SLIT3: variants seen among roughly 807,000 people sequenced by gnomAD.
The protein encoded by SLIT3 is slit guidance ligand 3.
A neutral mutation model predicts 184.0 loss-of-function variants in SLIT3; 68 were observed. That is an observed-to-expected ratio of 0.37 (90% CI 0.30 to 0.45). The LOEUF (loss-of-function observed/expected upper bound fraction) is 0.45, where lower values mean the gene tolerates loss of function less well. Among genes scored for constraint, SLIT3 ranks in the 20% least tolerant of loss-of-function variants. The pLI is 1.00. For missense variants in SLIT3, 1,707 were observed against 2,026.0 expected (o/e 0.84, Z 3.02); for synonymous variants, 831 against 828.6 (o/e 1.00, Z -0.05).
At chr5:169,219,893 C>T (rs368509707) in intron 3 of SLIT3, among the ~76,000 whole-genome samples, 31 of 152,176 alleles carry the variant, frequency 2.0e-4, no homozygotes, top group African/African-American at 7.2e-4. Flanking sequence ...TTTGAGATCT[C>T]GAAAAGTCTC....
chr5:168,857,210 GCTGAAGAAATTT>G (rs953849720), intron 5 of SLIT3, among the ~76,000 whole-genome samples: 5 of 152,150 alleles, frequency 3.3e-5, no homozygotes, highest in Admixed American at 6.5e-5. Context: ...TACTTAATTG[GCTGAAGAAATTT>G]CTGAAGAAAT....
At chr5:169,271,530 A>AG (rs1766613049) in intron 1 of SLIT3, among the ~76,000 whole-genome samples, 1 of 151,970 alleles carries the variant, frequency 6.6e-6, no homozygotes, top group African/African-American at 2.4e-5. Context: ...GGGCATTGCG[A>AG]GGGGGTAGAG....
chr5:169,212,479 T>TC, intron 3 of SLIT3, among the ~76,000 whole-genome samples: 1 of 152,066 alleles, frequency 6.6e-6, no homozygotes, highest in Admixed American at 6.6e-5. Flanking sequence ...TGTTTTTTTT[T>TC]CTTGTAAATT....
At chr5:168,966,032 A>C (rs1240871120) in intron 4 of SLIT3, among the ~76,000 whole-genome samples, 2 of 152,246 alleles carry the variant, frequency 1.3e-5, no homozygotes, top group Admixed American at 6.5e-5. Context: ...CATAATGTGC[A>C]GAAGTGCCTG....
At chr5:169,061,381 G>GC (rs898581032) in intron 4 of SLIT3, among the ~76,000 whole-genome samples, 3 of 152,142 alleles carry the variant, frequency 2.0e-5, no homozygotes, top group Non-Finnish European at 4.4e-5. Flanking sequence ...AGGTTTGCTT[G>GC]CCCCTCAGGT....
At chr5:169,172,882 T>C (rs1762860334) in intron 4 of SLIT3, among the ~76,000 whole-genome samples, 1 of 152,188 alleles carries the variant, frequency 6.6e-6, no homozygotes, top group South Asian at 2.1e-4. Flanking sequence ...TGCTCAATAA[T>C]AGTTTGCTGG....
intron 3 of SLIT3, among the ~76,000 whole-genome samples, chr5:169,199,174 G>A (rs1381016031): frequency 2.0e-5 from 3 of 152,086 alleles, no homozygotes; most frequent in African/African-American, 7.2e-5. Context: ...CAGTGCAGCT[G>A]AAGTGTAGGA....
intron 4 of SLIT3, among the ~76,000 whole-genome samples, chr5:169,115,819 G>C (rs1162725272): frequency 6.6e-6 from 1 of 152,220 alleles, no homozygotes; most frequent in Admixed American, 6.5e-5. Flanking sequence ...GTTGGATCCT[G>C]TGGTGGGATC....
chr5:169,035,647 G>GA (rs201819555), intron 4 of SLIT3, among the ~76,000 whole-genome samples: 11,897 of 103,370 alleles, frequency 0.12, 643 homozygotes, highest in Non-Finnish European at 0.13. Context: ...ACTGCATCTG[G>GA]AAAAAAAAAA....
intron 4 of SLIT3, among the ~76,000 whole-genome samples, chr5:168,975,130 T>C (rs1754705521): frequency 6.6e-6 from 1 of 152,130 alleles, no homozygotes; most frequent in African/African-American, 2.4e-5. Flanking sequence ...TTCCTGGACA[T>C]GGTGCCTTCC....
At chr5:169,000,191 AAACCATTCTGGCC>A (rs1400378054) in intron 4 of SLIT3, among the ~76,000 whole-genome samples, 1 of 152,084 alleles carries the variant, frequency 6.6e-6, no homozygotes, top group Non-Finnish European at 1.5e-5. Context: ...CAAGAGATCT[AAACCATTCTGGCC>A]AACATGGTGA....
At chr5:168,849,635 G>C (rs2938762) in intron 5 of SLIT3, among the ~76,000 whole-genome samples, 80,027 of 152,018 alleles carry the variant, frequency 0.53, 22,469 homozygotes, top group African/African-American at 0.73. Context: ...TATAAGACAC[G>C]CTTTGAAAAT....
At chr5:169,083,501 C>T (rs539596069) in intron 4 of SLIT3, among the ~76,000 whole-genome samples, 20 of 152,362 alleles carry the variant, frequency 1.3e-4, no homozygotes, top group African/African-American at 4.8e-4. Flanking sequence ...CTTAAACTTA[C>T]AGTCCCAAAC....
chr5:169,035,473 C>A (rs1270434369), intron 4 of SLIT3, among the ~76,000 whole-genome samples: 1 of 151,828 alleles, frequency 6.6e-6, no homozygotes, highest in Non-Finnish European at 1.5e-5. Flanking sequence ...CACGGTGAAA[C>A]CACGTCTCTA....
At chr5:169,164,517 T>C (rs1336875015) in intron 4 of SLIT3, among the ~76,000 whole-genome samples, 2 of 152,154 alleles carry the variant, frequency 1.3e-5, no homozygotes, top group African/African-American at 4.8e-5. Context: ...CCAAAGTATA[T>C]ATGCACTGGG....
At chr5:169,183,944 A>C (rs1763249836) in intron 4 of SLIT3, among the ~76,000 whole-genome samples, 1 of 152,216 alleles carries the variant, frequency 6.6e-6, no homozygotes, top group South Asian at 2.1e-4. Flanking sequence ...ATTTAAAAAC[A>C]ATTTCCAAGC....
At chr5:168,870,838 A>G (rs1759489060) in intron 5 of SLIT3, among the ~76,000 whole-genome samples, 2 of 152,228 alleles carry the variant, frequency 1.3e-5, no homozygotes, top group Non-Finnish European at 2.9e-5. Context: ...GAAGCACCAG[A>G]GTTTCTCAGA....
At chr5:169,072,587 G>A (rs1039600839) in intron 4 of SLIT3, among the ~76,000 whole-genome samples, 13 of 152,204 alleles carry the variant, frequency 8.5e-5, no homozygotes, top group Admixed American at 1.3e-4. Context: ...TGCAAGTACT[G>A]GATCTAGCCT....
intron 4 of SLIT3, among the ~76,000 whole-genome samples, chr5:168,945,230 C>T (rs1024584723): frequency 2.7e-5 from 4 of 149,026 alleles, no homozygotes; most frequent in African/African-American, 5.0e-5. Flanking sequence ...TCAAAAGCTT[C>T]GTGATTGGTA....
Sources: allele counts gnomAD v4.1 joint callset (sites outside exome capture counted in the v4.1 genomes callset), GRCh38; gene constraint gnomAD v4.1.1; transcripts MANE v1.5; gene names NCBI Gene and HGNC (gene_info 2026-07-23, HGNC 2026-07-21).